EPM2A: variants seen among roughly 807,000 people sequenced by gnomAD.
EPM2A encodes the protein EPM2A glucan phosphatase, laforin, also known as laforin.
EPM2A carries 21 observed loss-of-function variants against 26.5 expected under a neutral mutation model. The ratio of observed to expected loss-of-function variants is 0.79; its 90% CI spans 0.56 to 1.14. The LOEUF is 1.14. EPM2A is among the 50% of genes most tolerant of loss of function. The probability of loss-of-function intolerance (pLI) is 0.00; values close to 1 mark genes in which losing one functional copy is unlikely to be tolerated. For missense variants in EPM2A, 458 were observed against 440.8 expected (o/e 1.04, Z -0.35); for synonymous variants, 217 against 177.6 (o/e 1.22, Z -1.76).
chr6:145,416,868 T>C (rs899925833), intron 4 of EPM2A, among the ~76,000 whole-genome samples: 6 of 144,952 alleles, frequency 4.1e-5, no homozygotes, highest in African/African-American at 1.5e-4. Context: ...GATTTCTTAA[T>C]TTTTTTTTTT....
chr6:145,496,753 C>T (rs1285628618), downstream of EPM2A, among the ~76,000 whole-genome samples: 35 of 56,176 alleles, frequency 6.2e-4, no homozygotes, highest in African/African-American at 1.6e-3. Flanking sequence ...TTTTTTGAGA[C>T]GGAGTCTCGC....
chr6:145,615,485 A>T (rs573304437), intron 2 of EPM2A, among the ~76,000 whole-genome samples: 1 of 152,042 alleles, frequency 6.6e-6, no homozygotes, highest in Non-Finnish European at 1.5e-5. Context: ...AAATTGGGGT[A>T]CCAATTTACA....
At chr6:145,535,016 T>G (rs778912278) in intron 2 of EPM2A, among the ~76,000 whole-genome samples, 7 of 152,196 alleles carry the variant, frequency 4.6e-5, no homozygotes, top group Non-Finnish European at 7.4e-5. Context: ...CACAACCAAT[T>G]TGACATATGA....
At position 145,625,688 on chromosome 6, in the gene EPM2A, T is replaced by C. The variant is rs760921024; in HGVS notation, c.*1728A>G. The C allele has an allele frequency of 2.6e-6, 2 of 774,048 alleles. No homozygotes were observed. The highest frequency in any genetic ancestry group is 1.8e-5 in the Admixed American group (1 of 56,422). The allele number at this position is 774,048 out of a possible 1,614,324, so 47.9% of individuals were successfully genotyped here. ...TAATGCTAGCTTATAAATTTAACTTTGTAAAATTATAGTGGAAATGTGTCC... is the reference window on the plus strand; with the variant it reads ...TAATGCTAGCTTATAAATTTAACTTCGTAAAATTATAGTGGAAATGTGTCC... On this transcript the variant is annotated 3_prime_UTR_variant, in exon 4 of 4. Transcript: ENST00000367519.
chr6:145,627,318 CT>C lies in EPM2A; in HGVS notation c.*97del. ...TTGGCTTGGGGGAGGTCACACAGTC[CT>C]TTCAGTTCAGGTAGAATCCTTGTTT... is the stretch of plus-strand genomic sequence containing the variant. On this transcript the variant is annotated 3_prime_UTR_variant, in exon 4 of 4. Transcript: ENST00000367519. 6.3e-7 allele frequency: 1 copy of C among 1,599,112 alleles called. No individual in the cohort carries two copies. The highest frequency in any genetic ancestry group is 2.2e-5 in the East Asian group (1 of 44,824).
chr6:145,417,186 T>C (rs947364798), intron 4 of EPM2A, among the ~76,000 whole-genome samples: 1 of 152,220 alleles, frequency 6.6e-6, no homozygotes, highest in African/African-American at 2.4e-5. Flanking sequence ...TTATTTCAAT[T>C]TGGTTTTCTC....
At chr6:145,693,309 T>A (rs1262740414) in intron 1 of EPM2A, among the ~76,000 whole-genome samples, 1 of 152,014 alleles carries the variant, frequency 6.6e-6, no homozygotes, top group East Asian at 1.9e-4. Flanking sequence ...AAGGAGCTTT[T>A]GGGTAGAGAC....
chr6:145,479,162 G>A (rs1779581645), intron 4 of EPM2A, among the ~76,000 whole-genome samples: 1 of 150,744 alleles, frequency 6.6e-6, no homozygotes, highest in Admixed American at 6.6e-5. Context: ...TCTTCCAGTA[G>A]TAAAGATCTG....
chr6:145,455,354 T>A (rs1256908485), intron 4 of EPM2A, among the ~76,000 whole-genome samples: 5 of 152,070 alleles, frequency 3.3e-5, no homozygotes, highest in Non-Finnish European at 7.4e-5. Context: ...AATATACAAC[T>A]AAAAAAATTT....
chr6:145,696,538 A>G (rs1781581035), intron 1 of EPM2A, among the ~76,000 whole-genome samples: 1 of 152,196 alleles, frequency 6.6e-6, no homozygotes, highest in African/African-American at 2.4e-5. Context: ...ATACACATAT[A>G]CAATTATGAT....
chr6:145,680,740 C>T (rs1295015504), intron 2 of EPM2A, among the ~76,000 whole-genome samples: 1 of 152,188 alleles, frequency 6.6e-6, no homozygotes, highest in Non-Finnish European at 1.5e-5. Flanking sequence ...TTTATGGCTG[C>T]ATAGTATTCC....
intron 4 of EPM2A, among the ~76,000 whole-genome samples, chr6:145,484,963 G>C (rs1280635446): frequency 6.8e-6 from 1 of 146,014 alleles, no homozygotes; most frequent in African/African-American, 2.5e-5. Context: ...TGGTATTCAG[G>C]TATAGATGTC....
At chr6:145,541,033 G>A (rs570519121) in intron 2 of EPM2A, among the ~76,000 whole-genome samples, 2 of 152,110 alleles carry the variant, frequency 1.3e-5, no homozygotes, top group African/African-American at 4.8e-5. Context: ...ATACACACAT[G>A]CACACACATA....
intron 4 of EPM2A, among the ~76,000 whole-genome samples, chr6:145,482,728 A>G (rs1407847393): frequency 6.6e-6 from 1 of 152,116 alleles, no homozygotes; most frequent in Non-Finnish European, 1.5e-5. Flanking sequence ...AAATACAACG[A>G]GAACCCATTT....
chr6:145,726,316 T>A (rs1451746952), intron 1 of EPM2A, among the ~76,000 whole-genome samples: 2 of 152,048 alleles, frequency 1.3e-5, no homozygotes, highest in Non-Finnish European at 2.9e-5. Context: ...CCTATATATA[T>A]AAATAATTGA....
chr6:145,631,684 T>C (rs917609134), intron 3 of EPM2A: 3 of 152,312 alleles, frequency 2.0e-5, no homozygotes, highest in East Asian at 1.9e-4. Flanking sequence ...GAAAGCACTA[T>C]TGAGCCAGCC....
At chr6:145,673,517 C>T in intron 2 of EPM2A, among the ~76,000 whole-genome samples, 1 of 152,196 alleles carries the variant, frequency 6.6e-6, no homozygotes, top group Non-Finnish European at 1.5e-5. Context: ...TTTCCCTTTC[C>T]TAGCCAAGGG....
intron 2 of EPM2A, among the ~76,000 whole-genome samples, chr6:145,645,423 C>T (rs1335057263): frequency 6.6e-6 from 1 of 152,122 alleles, no homozygotes; most frequent in African/African-American, 2.4e-5. Flanking sequence ...CCTCCCACCT[C>T]ATCCTCCTGA....
At chr6:145,619,516 G>A (rs1051311312) in intron 2 of EPM2A, among the ~76,000 whole-genome samples, 2 of 152,180 alleles carry the variant, frequency 1.3e-5, no homozygotes, top group African/African-American at 4.8e-5. Context: ...ACCTTATGAG[G>A]GGATGCAGTA....
Sources: allele counts gnomAD v4.1 joint callset (sites outside exome capture counted in the v4.1 genomes callset), GRCh38; gene constraint gnomAD v4.1.1; transcripts MANE v1.5; gene names NCBI Gene and HGNC (gene_info 2026-07-23, HGNC 2026-07-21).